Variants in ARHGEF7 observed in about 807,000 individuals in gnomAD.
ARHGEF7 encodes the protein PAK-interacting exchange factor beta.
Under a neutral mutation model 109.8 loss-of-function variants are expected in ARHGEF7, and 33 were observed. The observed-to-expected ratio is 0.30, with a 90% CI of 0.23 to 0.40. The LOEUF is 0.40. Ranked by LOEUF, ARHGEF7 falls within the 10% of genes least tolerant of loss-of-function variation. The pLI, the probability that ARHGEF7 is intolerant of heterozygous loss-of-function variation, is 1.00. For missense variants in ARHGEF7, 938 were observed against 1,098.5 expected, an observed-to-expected ratio of 0.85 and a Z score of 2.07; for synonymous variants, 458 against 424.6, an observed-to-expected ratio of 1.08 and a Z score of -0.97.
chr13:111,268,169 G>T (rs964574578), intron 9 of ARHGEF7, among the ~76,000 whole-genome samples: 1 of 152,246 alleles, frequency 6.6e-6, no homozygotes, highest in Admixed American at 6.5e-5. Flanking sequence ...AAGCAAGACA[G>T]TGTCTGCTTC....
At chr13:111,172,684 G>T (rs1340922840) in intron 2 of ARHGEF7, among the ~76,000 whole-genome samples, 3 of 152,356 alleles carry the variant, frequency 2.0e-5, no homozygotes, top group African/African-American at 7.2e-5. Context: ...GTTAATAGCA[G>T]AGAGAGGGGT....
chr13:111,282,653 A>T (rs2092831697), intron 15 of ARHGEF7, among the ~76,000 whole-genome samples: 1 of 152,188 alleles, frequency 6.6e-6, no homozygotes, highest in South Asian at 2.1e-4. Context: ...TGTGCCAGGA[A>T]AACTTTTTTA....
At chr13:111,269,698 C>T (rs947354416) in intron 9 of ARHGEF7, among the ~76,000 whole-genome samples, 2 of 152,098 alleles carry the variant, frequency 1.3e-5, no homozygotes, top group African/African-American at 4.8e-5. Context: ...AGGAAGGTCC[C>T]CCGAGCCAGC....
At chr13:111,251,840 T>TC (rs1171967291) in intron 8 of ARHGEF7, among the ~76,000 whole-genome samples, 1 of 152,210 alleles carries the variant, frequency 6.6e-6, no homozygotes, top group Admixed American at 6.5e-5. Context: ...GAAGTGTGGG[T>TC]CACCACCTTC....
intron 1 of ARHGEF7, among the ~76,000 whole-genome samples, chr13:111,133,010 TTATA>T (rs1157147993): frequency 6.6e-6 from 1 of 152,058 alleles, no homozygotes. Context: ...GCATACATAT[TTATA>T]TATACACATG....
chr13:111,212,370 G>A (rs1039750197), intron 4 of ARHGEF7, among the ~76,000 whole-genome samples: 34 of 152,148 alleles, frequency 2.2e-4, no homozygotes, highest in African/African-American at 5.1e-4. Flanking sequence ...TGTGGTAGGC[G>A]CCAGTTGTAG....
intron 8 of ARHGEF7, among the ~76,000 whole-genome samples, chr13:111,257,948 C>A (rs1298703624): frequency 2.6e-5 from 4 of 152,224 alleles, no homozygotes; most frequent in Non-Finnish European, 4.4e-5. Flanking sequence ...CCACTGTGGG[C>A]TAAAATGACC....
At chr13:111,292,565 T>A (rs2093323117) in intron 19 of ARHGEF7, 1 of 1,352,684 alleles carries the variant, frequency 7.4e-7, no homozygotes, top group South Asian at 1.9e-5. Context: ...CCGAGGGTGC[T>A]CTTCGTAAGG....
At chr13:111,249,934 T>A (rs1377097978) in intron 8 of ARHGEF7, among the ~76,000 whole-genome samples, 2 of 152,210 alleles carry the variant, frequency 1.3e-5, no homozygotes, top group Non-Finnish European at 2.9e-5. Flanking sequence ...ACTGGCATAG[T>A]GAGTTTGGGT....
intron 16 of ARHGEF7, 109 bp from the exon 17 acceptor site, chr13:111,286,038 A>G (rs2093004523): frequency 9.3e-6 from 7 of 749,630 alleles, no homozygotes; most frequent in Non-Finnish European, 1.6e-5. Flanking sequence ...AGCTCTTATC[A>G]GTGGCTATAA....
intron 2 of ARHGEF7, among the ~76,000 whole-genome samples, chr13:111,205,002 A>ACCCCGCCCCGCCCCG (rs576504962): frequency 1.3e-5 from 2 of 151,496 alleles, no homozygotes; most frequent in Non-Finnish European, 2.9e-5. Flanking sequence ...CCACCCCCCC[A>ACCCCGCCCCGCCCCG]CCCCGCCCCG....
At chr13:111,198,466 C>T (rs1198961236) in intron 2 of ARHGEF7, among the ~76,000 whole-genome samples, 2 of 151,866 alleles carry the variant, frequency 1.3e-5, no homozygotes, top group African/African-American at 2.4e-5. Flanking sequence ...TGTGTCCATT[C>T]CTTCAGATGT....
rs908899124 is a variant in ARHGEF7 at position 111,272,996 on chromosome 13, G to A, written c.1074-818G>A. The stretch of plus-strand genomic sequence containing the variant: ...GGACCCACTGTAGGGAAAGATAGGC[G>A]AGGCACTGTGAAGGGGATGGTTGAA... On this transcript the variant is annotated intron_variant, in intron 9 of 21. Transcript: ENST00000646102. The surrounding 1 kb of genome is among the most constrained non-coding windows in gnomAD (Gnocchi z 5.2). Among the ~76,000 whole-genome samples, 1 of 152,078 alleles carries A rather than the reference G, an allele frequency of 6.6e-6. No homozygotes were observed. The highest frequency in any genetic ancestry group is 1.5e-5 in the Non-Finnish European group (1 of 67,996).
At chr13:111,174,919 C>T (rs1375147639) in intron 2 of ARHGEF7, among the ~76,000 whole-genome samples, 5 of 152,168 alleles carry the variant, frequency 3.3e-5, no homozygotes, top group South Asian at 2.1e-4. Flanking sequence ...TTGTGCGTGT[C>T]GGGTGAAACC....
rs1271391472 is a variant in ARHGEF7 at position 111,131,735 on chromosome 13, A to G, written c.165+16044A>G. 6.6e-6 allele frequency among the ~76,000 whole-genome samples: 1 copy of G among 152,000 alleles called. No homozygotes were observed. Among genetic ancestry groups the G allele is most frequent in the African/African-American group, 2.4e-5 (1 of 41,348 alleles). On this transcript the variant is annotated intron_variant, in intron 1 of 21. Transcript: ENST00000646102. The surrounding 1 kb of genome is among the most constrained non-coding windows in gnomAD (Gnocchi z 4.4). ...GTTTCTGAGAGGTCAGGTGAGTGCA[A>G]TTCAGAAGATTGTCTGCTGGCTTGG...
At chr13:111,283,110 C>A in intron 15 of ARHGEF7, 29 bp from the exon 16 acceptor site, 1 of 1,559,798 alleles carries the variant, frequency 6.4e-7, no homozygotes. Flanking sequence ...CTCATGTTCT[C>A]TGCCCTTCCC....
chr13:111,270,294 G>T (rs1335399801), intron 9 of ARHGEF7, among the ~76,000 whole-genome samples: 1 of 152,220 alleles, frequency 6.6e-6, no homozygotes, highest in African/African-American at 2.4e-5. Flanking sequence ...CCACAGCACT[G>T]TGTCGGTAAG....
In ARHGEF7 at chr13:111,190,088, A is replaced by G. The variant is rs551290112; in HGVS notation, c.253-15201A>G. Among the ~76,000 whole-genome samples, 5 of 152,312 alleles carry G rather than the reference A, an allele frequency of 3.3e-5. No homozygotes were observed. In the East Asian group the frequency reaches 7.7e-4, roughly 23 times the overall value. ...AACTATTTAGGCTAGTGAAAGGGCC[A>G]GTGGGTTTGTCCAGGGGCCCTTGGT... On this transcript the variant is annotated intron_variant, in intron 2 of 21. Transcript: ENST00000646102.
chr13:111,298,147 GATTTCTT>G (rs1814078810), intron 19 of ARHGEF7, among the ~76,000 whole-genome samples: 1 of 152,184 alleles, frequency 6.6e-6, no homozygotes, highest in Non-Finnish European at 1.5e-5. Context: ...GAAGCCATTT[GATTTCTT>G]CACATGTGGT....
Sources: allele counts gnomAD v4.1 joint callset (sites outside exome capture counted in the v4.1 genomes callset), GRCh38; gene constraint gnomAD v4.1.1; non-coding constraint Gnocchi (gnomAD v3.1); transcripts MANE v1.5; gene names NCBI Gene and HGNC (gene_info 2026-07-23, HGNC 2026-07-21).